The following BCL2 variants were observed in gnomAD, a reference collection of about 807,000 sequenced individuals.
The protein encoded by BCL2 is apoptosis regulator Bcl-2.
Under a neutral mutation model 14.2 loss-of-function variants are expected in BCL2, and 1 was observed. That is an observed-to-expected ratio of 0.07 (90% confidence interval 0.02 to 0.33). The LOEUF (loss-of-function observed/expected upper bound fraction) is 0.33. BCL2 is among the 10% of genes least tolerant of loss of function. BCL2 has a pLI of 0.99. For synonymous variants in BCL2, 151 were observed against 137.2 expected (o/e 1.10, Z -0.70); for missense variants, 247 against 305.9 (o/e 0.81, Z 1.44).
At chr18:63,313,790 AAAC>A (rs748016432) in intron 2 of BCL2, 3 of 152,142 alleles carry the variant, frequency 2.0e-5, no homozygotes, top group African/African-American at 4.8e-5. Flanking sequence ...AGATAAGAAA[AAAC>A]AACAAGAATT....
chr18:63,277,110 GC>G (rs1217998822), intron 2 of BCL2, among the ~76,000 whole-genome samples: 1 of 152,044 alleles, frequency 6.6e-6, no homozygotes, highest in Non-Finnish European at 1.5e-5. Flanking sequence ...CCCTCCACCT[GC>G]CCCCTGTCTG....
At chr18:63,309,128 A>T (rs1913229552) in intron 2 of BCL2, among the ~76,000 whole-genome samples, 1 of 152,216 alleles carries the variant, frequency 6.6e-6, no homozygotes. Context: ...AACCACCTTA[A>T]CCCAATCCAT....
chr18:63,200,051 G>A (rs1909646281), intron 2 of BCL2, among the ~76,000 whole-genome samples: 1 of 152,152 alleles, frequency 6.6e-6, no homozygotes, highest in Non-Finnish European at 1.5e-5. Context: ...ACCTCTGACT[G>A]TTTCCAACAT....
At chr18:63,176,874 A>T (rs1367250287) in intron 2 of BCL2, among the ~76,000 whole-genome samples, 1 of 151,584 alleles carries the variant, frequency 6.6e-6, no homozygotes, top group Non-Finnish European at 1.5e-5. Flanking sequence ...GCCTCTCTTT[A>T]TCACCTCCCA....
At chr18:63,171,640 TA>T (rs1915223617) in intron 2 of BCL2, among the ~76,000 whole-genome samples, 1 of 152,216 alleles carries the variant, frequency 6.6e-6, no homozygotes, top group African/African-American at 2.4e-5. Context: ...GAAAGAAAGC[TA>T]GTCCATATAT....
intron 2 of BCL2, among the ~76,000 whole-genome samples, chr18:63,254,372 CCTGT>C (rs1265938657): frequency 9.3e-6 from 1 of 107,470 alleles, no homozygotes; most frequent in Non-Finnish European, 1.8e-5. Context: ...ATAGGGAAAC[CCTGT>C]CTTTGCTAAA....
chr18:63,228,665 T>G (rs916507625), intron 2 of BCL2, among the ~76,000 whole-genome samples: 6 of 152,094 alleles, frequency 3.9e-5, no homozygotes, highest in South Asian at 2.1e-4. Flanking sequence ...AATCAGTGAA[T>G]GAATAAATGA....
intron 2 of BCL2, among the ~76,000 whole-genome samples, chr18:63,268,683 T>C (rs1197008232): frequency 6.6e-6 from 1 of 152,222 alleles, no homozygotes; most frequent in African/African-American, 2.4e-5. Flanking sequence ...AACTTCATTT[T>C]GGAGGTTTGT....
chr18:63,286,035 G>T (rs951799454), intron 2 of BCL2, among the ~76,000 whole-genome samples: 4 of 152,190 alleles, frequency 2.6e-5, no homozygotes, highest in Admixed American at 2.6e-4. Context: ...ACTATGTCCT[G>T]CTCTTATACA....
chr18:63,300,830 G>A (rs1171048453), intron 2 of BCL2, among the ~76,000 whole-genome samples: 1 of 152,092 alleles, frequency 6.6e-6, no homozygotes, highest in Non-Finnish European at 1.5e-5. Context: ...GGTTTTAAGA[G>A]CATTTTTGTC....
At chr18:63,169,361 C>CT (rs1915155381) in intron 2 of BCL2, among the ~76,000 whole-genome samples, 1 of 60,560 alleles carries the variant, frequency 1.7e-5, no homozygotes, top group Middle Eastern at 7.9e-3. Context: ...TTCTTTCTTT[C>CT]TTTCTTTCTC....
intron 2 of BCL2, among the ~76,000 whole-genome samples, chr18:63,199,745 T>C (rs1454087390): frequency 6.6e-6 from 1 of 152,088 alleles, no homozygotes; most frequent in Non-Finnish European, 1.5e-5. Flanking sequence ...CACATGGAGA[T>C]GACACAGACA....
chr18:63,266,633 T>TCACACACACACACACACA (rs1238518850), intron 2 of BCL2, among the ~76,000 whole-genome samples: 4 of 145,390 alleles, frequency 2.8e-5, no homozygotes, highest in African/African-American at 1.1e-4. Flanking sequence ...TCTCTCTCTC[T>TCACACACACACACACACA]CTCTCACACA....
intron 2 of BCL2, among the ~76,000 whole-genome samples, chr18:63,177,517 A>C (rs1915377502): frequency 6.6e-6 from 1 of 152,174 alleles, no homozygotes. Context: ...ACTTCAGCTG[A>C]GTCCCAGCAT....
intron 2 of BCL2, among the ~76,000 whole-genome samples, chr18:63,275,238 A>C (rs1182368406): frequency 1.4e-5 from 2 of 141,792 alleles, no homozygotes; most frequent in Non-Finnish European, 3.0e-5. Context: ...CTGTCTCAAA[A>C]AAAAAAAAAA....
chr18:63,313,933 T>A (rs538164791), intron 2 of BCL2: 3 of 152,206 alleles, frequency 2.0e-5, no homozygotes, highest in Admixed American at 1.3e-4. Flanking sequence ...AATCCATTCT[T>A]ATTAGAAAGT....
At chr18:63,309,518 G>A (rs1018625580) in intron 2 of BCL2, among the ~76,000 whole-genome samples, 23 of 151,998 alleles carry the variant, frequency 1.5e-4, no homozygotes, top group Admixed American at 4.6e-4. Flanking sequence ...CCTCACATTC[G>A]ACCTGCTGTC....
At chr18:63,316,374 A>T (rs1913496719) in intron 2 of BCL2, 1 of 152,234 alleles carries the variant, frequency 6.6e-6, no homozygotes, top group African/African-American at 2.4e-5. Flanking sequence ...TAAAACTATT[A>T]AATCAGTTTT....
At chr18:63,166,598 A>G (rs1486604874) in intron 2 of BCL2, among the ~76,000 whole-genome samples, 1 of 152,216 alleles carries the variant, frequency 6.6e-6, no homozygotes, top group Non-Finnish European at 1.5e-5. Flanking sequence ...TTAGGAGACA[A>G]ACAGTATAAT....
Sources: allele counts gnomAD v4.1 joint callset (sites outside exome capture counted in the v4.1 genomes callset), GRCh38; gene constraint gnomAD v4.1.1; transcripts MANE v1.5; gene names NCBI Gene and HGNC (gene_info 2026-07-23, HGNC 2026-07-21).